CSNK2B: variants seen among roughly 807,000 people sequenced by gnomAD.
CSNK2B encodes the protein casein kinase II subunit beta.
Under a neutral mutation model 28.8 loss-of-function variants are expected in CSNK2B, and 2 were observed. That is an observed-to-expected ratio of 0.07 (90% CI 0.03 to 0.22). The LOEUF (loss-of-function observed/expected upper bound fraction) is 0.22, where lower values mean the gene tolerates loss of function less well. Among genes scored for constraint, CSNK2B ranks in the 10% least tolerant of loss-of-function variants. The pLI is 1.00. For synonymous variants in CSNK2B, 89 were observed against 96.1 expected (o/e 0.93, Z 0.43); for missense variants, 107 against 277.9 (o/e 0.39, Z 4.37).
Position 31,668,602 on chromosome 6 carries a change from A to G in CSNK2B, c.239A>G (p.Tyr80Cys). Residue 80 changes from tyrosine to cysteine, a missense_variant, in exon 4 of 7, where the codon TAT (tyrosine) becomes TGT (cysteine). By Grantham distance (194) the Tyr-to-Cys change is radical. Coordinates refer to ENST00000375882, the MANE Select transcript of CSNK2B (RefSeq NM_001320.7). The stretch of plus-strand genomic sequence containing the variant: ...ATTGAGCAGGCAGCCGAGATGCTTT[A>G]TGGATTGATCCACGCCCGCTACATC... ...DLIEQAAEML[Y>C]GLIHARYILT... 1 of 1,613,078 alleles carries G rather than the reference A, an allele frequency of 6.2e-7. No homozygotes were observed. Among genetic ancestry groups the G allele is most frequent in the Non-Finnish European group, 8.5e-7 (1 of 1,180,036 alleles).
In CSNK2B at chr6:31,669,618, G is replaced by T; in HGVS notation, c.557+110G>T. The stretch of plus-strand genomic sequence containing the variant: ...GAGGTCTGCTTCTCCCAGAATCAGG[G>T]CATCTCCCTGCTGAGTGACTGTGGG... On this transcript the variant is annotated intron_variant, in intron 6 of 6. Transcript: ENST00000375882. The surrounding 1 kb of genome is among the most constrained non-coding windows in gnomAD (Gnocchi z 4.8). The T allele has an allele frequency of 4.9e-6, 6 of 1,221,782 alleles. No homozygotes were observed. Among genetic ancestry groups the T allele is most frequent in the Non-Finnish European group, 6.9e-6 (6 of 872,902 alleles). The allele number at this position is 1,221,782 out of a possible 1,614,324, so 75.7% of individuals were successfully genotyped here. A position where few individuals can be genotyped will look rare whatever the true frequency, so the allele number is the denominator to read the frequency against.
chr6:31,667,411 C>T (rs1801841961), intron 2 of CSNK2B: 6 of 350,472 alleles, frequency 1.7e-5, no homozygotes, highest in South Asian at 1.1e-4. Context: ...GGATTACAGG[C>T]GTGAGCCATT....
At position 31,668,849 on chromosome 6, in the gene CSNK2B, C is replaced by T. The variant is rs1178165808; in HGVS notation, c.291+195C>T. 8.1e-6 allele frequency: 5 copies of T among 619,850 alleles called. No homozygotes were observed. In the East Asian group the frequency reaches 1.4e-4, roughly 17 times the overall value. 38.4% of individuals were successfully genotyped at this position (619,850 alleles called of 1,614,324 possible). On this transcript the variant is annotated intron_variant, in intron 4 of 6. Coordinates refer to ENST00000375882, the MANE Select transcript of CSNK2B (RefSeq NM_001320.7). ...ATTGTTTTCAGGGAGGGAGACAGAC[C>T]TTGAATCAGAGAGTTGTGATAGACT... is the stretch of plus-strand genomic sequence containing the variant.
intron 1 of CSNK2B, chr6:31,666,473 C>T: frequency 3.1e-6 from 1 of 326,018 alleles, no homozygotes; most frequent in Non-Finnish European, 5.6e-6. Context: ...GGGGGTCATG[C>T]AGAGACTTGT....
intron 2 of CSNK2B, among the ~76,000 whole-genome samples, 199 bp from the exon 3 acceptor site, chr6:31,667,669 A>G (rs1398798882): frequency 6.6e-6 from 1 of 152,242 alleles, no homozygotes; most frequent in Non-Finnish European, 1.5e-5. Flanking sequence ...TTATCCTTAG[A>G]AAAGAAAAGC....
intron 3 of CSNK2B, chr6:31,668,218 T>C: frequency 1.6e-6 from 1 of 609,868 alleles, no homozygotes; most frequent in Non-Finnish European, 2.9e-6. Context: ...TCTGGTTTGT[T>C]GTCTGTTTCT....
At position 31,667,428 on chromosome 6, in the gene CSNK2B, G is replaced by A. The variant is rs143584311; in HGVS notation, c.73-440G>A. 150 of 335,354 alleles carry A rather than the reference G, an allele frequency of 4.5e-4. 1 individual carries two copies. Among genetic ancestry groups the A allele is most frequent in the Middle Eastern group, 4.3e-3 (4 of 928 alleles). The allele number at this position is 335,354 out of a possible 1,614,324, so 20.8% of individuals were successfully genotyped here. ...ATTACAGGCGTGAGCCATTGCGCCC[G>A]GCCTGTATCTTTTGTTACTAAAGTG... On this transcript the variant is annotated intron_variant, in intron 2 of 6. Transcript: ENST00000375882.
rs780362233 is a variant in CSNK2B, at chr6:31,668,660, G to T, written c.291+6G>T. On this transcript the variant is annotated splice_donor_region_variant and intron_variant, in intron 4 of 6. Coordinates refer to ENST00000375882, the MANE Select transcript of CSNK2B (RefSeq NM_001320.7). ...ACCGTGGCATCGCCCAGATGGTGAG[G>T]CCTCTCTGCTCCTACCTGCCTCCTT... 2 of 1,611,208 alleles carry T rather than the reference G, an allele frequency of 1.2e-6. No homozygotes were observed. The highest frequency in any genetic ancestry group is 1.7e-5 in the Admixed American group (1 of 60,010).
rs1479848426 is a variant in CSNK2B at position 31,669,811 on chromosome 6, C to T, written c.558-25C>T. On this transcript the variant is annotated intron_variant, in intron 6 of 6. Transcript: ENST00000375882. The surrounding 1 kb of genome is among the most constrained non-coding windows in gnomAD (Gnocchi z 4.8). ...GCCTGGATGGGGCTCATGCTGCTGC[C>T]TCTCTGACCTCTGCCCTGGCCTAGG... 7 of 1,593,522 alleles carry T rather than the reference C, an allele frequency of 4.4e-6. No homozygotes were observed. The highest frequency in any genetic ancestry group is 6.0e-6 in the Non-Finnish European group (7 of 1,169,310).
At chr6:31,667,189 T>C (rs1479305273) in intron 2 of CSNK2B, 1 of 597,320 alleles carries the variant, frequency 1.7e-6, no homozygotes. Flanking sequence ...TGGAGGGTAG[T>C]GGTGCGATCT....
Position 31,669,800 on chromosome 6 carries a change from C to T in CSNK2B, c.558-36C>T. 6.4e-7 allele frequency: 1 copy of T among 1,565,774 alleles called. No individual in the cohort carries two copies. Among genetic ancestry groups the T allele is most frequent in the South Asian group, 1.1e-5 (1 of 87,408 alleles). On this transcript the variant is annotated intron_variant, in intron 6 of 6. Coordinates refer to ENST00000375882, the MANE Select transcript of CSNK2B (RefSeq NM_001320.7). This position sits in a 1 kb window ranked among gnomAD's most constrained non-coding sequence, Gnocchi z 4.8. Reference sequence around the variant, plus strand: ...TGACTGGCAGGGCCTGGATGGGGCTCATGCTGCTGCCTCTCTGACCTCTGC... The same window carrying T: ...TGACTGGCAGGGCCTGGATGGGGCTTATGCTGCTGCCTCTCTGACCTCTGC...
In CSNK2B at chr6:31,669,842, C is replaced by T. The variant is rs763579133; in HGVS notation, c.564C>T (p.Tyr188=). ...GACCTCTGCCCTGGCCTAGGCTCTACGGTTTCAAGATCCATCCGATGGCCT... is the reference window on the plus strand; with the variant it reads ...GACCTCTGCCCTGGCCTAGGCTCTATGGTTTCAAGATCCATCCGATGGCCT... ...RPANQFVPRL[Y]GFKIHPMAYQ... Residue 188 remains tyrosine (Y), a synonymous_variant, in exon 7 of 7, where the codon TAC becomes TAT. Coordinates refer to ENST00000375882, the MANE Select transcript of CSNK2B (RefSeq NM_001320.7). The surrounding 1 kb of genome is among the most constrained non-coding windows in gnomAD (Gnocchi z 4.8). The T allele has an allele frequency of 4.3e-6, 7 of 1,612,516 alleles. No individual in the cohort carries two copies. Among genetic ancestry groups the T allele is most frequent in the African/African-American group, 1.3e-5 (1 of 74,914 alleles).
At chr6:31,666,509 C>A (rs749539922) in intron 1 of CSNK2B, 61 of 436,872 alleles carry the variant, frequency 1.4e-4, no homozygotes, top group Non-Finnish European at 2.3e-4. Context: ...GAGTCGAGGT[C>A]CCTGCCGGAG....
At chr6:31,666,575 G>A in intron 1 of CSNK2B, 2 of 561,478 alleles carry the variant, frequency 3.6e-6, no homozygotes, top group Non-Finnish European at 3.2e-6. Context: ...TGTGGGTCGG[G>A]CTGGTGGGTC....
rs747587877 is a variant in CSNK2B at position 31,669,089 on chromosome 6, C to G, written c.292-8C>G. The G allele has an allele frequency of 1.2e-6, 2 of 1,611,624 alleles. No individual in the cohort carries two copies. Among genetic ancestry groups the G allele is most frequent in the Non-Finnish European group, 1.7e-6 (2 of 1,178,710 alleles). ...ACCTGCCAACCCCTTCCATTGTATT[C>G]ACCTCAGTTGGAAAAGTACCAGCAA... On this transcript the variant is annotated splice_region_variant and splice_polypyrimidine_tract_variant and intron_variant, in intron 4 of 6. Coordinates refer to ENST00000375882, the MANE Select transcript of CSNK2B (RefSeq NM_001320.7). The surrounding 1 kb of genome is among the most constrained non-coding windows in gnomAD (Gnocchi z 4.8).
Position 31,666,112 on chromosome 6 carries a change from CGCGGTCGGGTCCGCGGCCTGCGCTGTA to C in CSNK2B, c.-100_-74del, listed in dbSNP as rs1801661066. 1 of 993,282 alleles carries C rather than the reference CGCGGTCGGGTCCGCGGCCTGCGCTGTA, an allele frequency of 1.0e-6. No individual in the cohort carries two copies. The highest frequency in any genetic ancestry group is 1.7e-5 in the African/African-American group (1 of 57,398). The allele number at this position is 993,282 out of a possible 1,614,324, so 61.5% of individuals were successfully genotyped here. On this transcript the variant is annotated 5_prime_UTR_variant, in exon 1 of 7. Coordinates refer to ENST00000375882, the MANE Select transcript of CSNK2B (RefSeq NM_001320.7). ...ACTCCCCCCACCCCACTTCGCCTGC[CGCGGTCGGGTCCGCGGCCTGCGCTGTA>C]GCGGTCGCCGCCGTTCCCTGGAAGT...
Position 31,669,242 on chromosome 6 carries a change from A to T in CSNK2B, c.367+70A>T. Reference sequence around the variant, plus strand: ...ATGGGAAGGAGTTGGGGCTCAACACATTGGAGCCTGAGTCCTGAGGGGAGG... The same window carrying T: ...ATGGGAAGGAGTTGGGGCTCAACACTTTGGAGCCTGAGTCCTGAGGGGAGG... On this transcript the variant is annotated intron_variant, in intron 5 of 6. Transcript: ENST00000375882. This position sits in a 1 kb window ranked among gnomAD's most constrained non-coding sequence, Gnocchi z 4.8. 1 of 1,596,948 alleles carries T rather than the reference A, an allele frequency of 6.3e-7. No individual in the cohort carries two copies. The highest frequency in any genetic ancestry group is 8.6e-7 in the Non-Finnish European group (1 of 1,164,940).
chr6:31,669,945 C>G lies in CSNK2B; in HGVS notation c.*19C>G. The G allele has an allele frequency of 6.2e-7, 1 of 1,605,482 alleles. No homozygotes were observed. Among genetic ancestry groups the G allele is most frequent in the East Asian group, 2.2e-5 (1 of 44,822 alleles). ...TCGCTGATTCCCTCCCCCACCTGTC[C>G]TGCAGTCTTTGACTTTTCCTTTCTT... On this transcript the variant is annotated 3_prime_UTR_variant, in exon 7 of 7. Coordinates refer to ENST00000375882, the MANE Select transcript of CSNK2B (RefSeq NM_001320.7). The surrounding 1 kb of genome is among the most constrained non-coding windows in gnomAD (Gnocchi z 4.8).
intron 3 of CSNK2B, 184 bp downstream of exon 3, chr6:31,668,154 C>G (rs1801916294): frequency 6.1e-6 from 4 of 653,788 alleles, no homozygotes; most frequent in Non-Finnish European, 1.1e-5. Context: ...CACTTGTTCT[C>G]ATGTTTTCTA....
Sources: allele counts gnomAD v4.1 joint callset (sites outside exome capture counted in the v4.1 genomes callset), GRCh38; gene constraint gnomAD v4.1.1; non-coding constraint Gnocchi (gnomAD v3.1); transcripts MANE v1.5; gene names NCBI Gene and HGNC (gene_info 2026-07-23, HGNC 2026-07-21).